CELF2: variants seen among roughly 807,000 people sequenced by gnomAD.
CELF2 encodes CUG triplet repeat RNA-binding protein 2.
In CELF2, 8 loss-of-function variants were observed where a neutral mutation model predicts 62.6. That is an observed-to-expected ratio of 0.13 (90% confidence interval 0.07 to 0.23). CELF2 has a LOEUF of 0.23. CELF2 is among the 10% of genes least tolerant of loss of function. CELF2 has a pLI of 1.00. For missense variants in CELF2, 333 were observed against 671.0 expected (o/e 0.50, Z 5.56); for synonymous variants, 258 against 250.0 (o/e 1.03, Z -0.30).
chr10:10,911,900 C>A (rs1361843055), intron 1 of CELF2, among the ~76,000 whole-genome samples: 1 of 152,210 alleles, frequency 6.6e-6, no homozygotes, highest in African/African-American at 2.4e-5. Flanking sequence ...AGAGGCTGGC[C>A]TCTGTAGCGA....
chr10:10,592,934 G>C, the CELF2 span, among the ~76,000 whole-genome samples: 1 of 152,268 alleles, frequency 6.6e-6, no homozygotes, highest in East Asian at 1.9e-4. Flanking sequence ...CCCACGTGAA[G>C]GGCCATAGGG....
intron 10 of CELF2, chr10:11,317,245 G>C (rs1322133193): frequency 6.6e-6 from 1 of 151,804 alleles, no homozygotes; most frequent in East Asian, 1.9e-4. Context: ...GTGAAGTAGA[G>C]AAAAGAGAAG....
chr10:11,319,882 A>G lies in CELF2; in HGVS notation c.1097-1307A>G, dbSNP rs558243413. On this transcript the variant is annotated intron_variant, in intron 10 of 12. Transcript: ENST00000633077. The surrounding 1 kb of genome is among the most constrained non-coding windows in gnomAD (Gnocchi z 4.4). ...CATTCCCCACCTGCTCTGTTAGGGC[A>G]GTAGCGTTGCTGGGCGTGTGGAGGT... 77 of 471,056 alleles carry G rather than the reference A, an allele frequency of 1.6e-4. No homozygotes were observed. The highest frequency in any genetic ancestry group is 1.2e-3 in the South Asian group (75 of 64,570). The allele number at this position is 471,056 out of a possible 1,614,324, so 29.2% of individuals were successfully genotyped here.
chr10:10,802,705 G>T (rs779027322), intron 1 of CELF2, among the ~76,000 whole-genome samples: 5 of 152,156 alleles, frequency 3.3e-5, no homozygotes, highest in Non-Finnish European at 5.9e-5. Context: ...CAAGGGAATA[G>T]ATGAATTGAC....
At chr10:11,069,694 A>G (rs2069216633) in intron 1 of CELF2, among the ~76,000 whole-genome samples, 1 of 152,244 alleles carries the variant, frequency 6.6e-6, no homozygotes, top group Non-Finnish European at 1.5e-5. Context: ...TGTAGAAATG[A>G]AAAGAATCAT....
the CELF2 span, among the ~76,000 whole-genome samples, chr10:10,492,602 G>A: frequency 1.3e-5 from 2 of 152,128 alleles, no homozygotes; most frequent in Non-Finnish European, 2.9e-5. Context: ...GCAAGAAACT[G>A]AAGGGAGATT....
At chr10:11,026,821 A>G (rs912790159) in intron 1 of CELF2, among the ~76,000 whole-genome samples, 1 of 152,190 alleles carries the variant, frequency 6.6e-6, no homozygotes, top group Non-Finnish European at 1.5e-5. Context: ...CAGTATCCAA[A>G]TACCTAGCTC....
chr10:10,758,214 T>TGGAC, the CELF2 span, among the ~76,000 whole-genome samples: 1 of 152,202 alleles, frequency 6.6e-6, no homozygotes, highest in African/African-American at 2.4e-5. Flanking sequence ...AAATAACACC[T>TGGAC]GGACTGCTGA....
At chr10:10,857,649 G>GTATATATATATATA (rs779543257) in intron 1 of CELF2, among the ~76,000 whole-genome samples, 1,056 of 93,936 alleles carry the variant, frequency 0.011, 19 homozygotes, top group African/African-American at 0.022. Flanking sequence ...CATATATATA[G>GTATATATATATATA]TATATATATA....
At chr10:11,125,274 A>G (rs570135173) in intron 1 of CELF2, among the ~76,000 whole-genome samples, 1 of 152,284 alleles carries the variant, frequency 6.6e-6, no homozygotes, top group South Asian at 2.1e-4. Context: ...GGAGTGAAAG[A>G]ATAGTCAGTT....
chr10:10,522,201 G>C, the CELF2 span, among the ~76,000 whole-genome samples: 4 of 152,190 alleles, frequency 2.6e-5, no homozygotes, highest in South Asian at 6.2e-4. Context: ...AAAATACTTC[G>C]AAGTATTCTA....
chr10:11,301,168 T>G (rs927024484), intron 9 of CELF2, among the ~76,000 whole-genome samples: 4 of 152,102 alleles, frequency 2.6e-5, no homozygotes, highest in African/African-American at 9.7e-5. Context: ...CTGGCAAATG[T>G]GAGAGATGGA....
the CELF2 span, among the ~76,000 whole-genome samples, chr10:10,472,896 C>T: frequency 5.1e-3 from 769 of 152,028 alleles, 9 homozygotes; most frequent in African/African-American, 0.018. Context: ...AAAGAGTTTA[C>T]TCCTATTTTG....
At chr10:10,927,987 A>G (rs557889872) in intron 2 of CELF2, among the ~76,000 whole-genome samples, 1 of 152,036 alleles carries the variant, frequency 6.6e-6, no homozygotes, top group South Asian at 2.1e-4. Context: ...GCTTTCATCT[A>G]CCTCTGCAGC....
At chr10:11,152,261 A>G (rs1219505768) in intron 1 of CELF2, among the ~76,000 whole-genome samples, 1 of 152,224 alleles carries the variant, frequency 6.6e-6, no homozygotes, top group East Asian at 1.9e-4. Context: ...AAAGAAAAGA[A>G]CTTTGTGACA....
chr10:10,914,388 C>T (rs558561237), intron 1 of CELF2, among the ~76,000 whole-genome samples: 1 of 152,030 alleles, frequency 6.6e-6, no homozygotes, highest in Admixed American at 6.5e-5. Context: ...CAGGAGATGA[C>T]GAGGGAATGT....
the CELF2 span, among the ~76,000 whole-genome samples, chr10:10,772,912 T>C: frequency 3.7e-4 from 56 of 152,172 alleles, no homozygotes; most frequent in Non-Finnish European, 1.0e-4. Context: ...AAAACTTAGC[T>C]CTAGGCCAGA....
At position 11,305,508 on chromosome 10, in the gene CELF2, T is replaced by C. The variant is rs2094135243; in HGVS notation, c.977-8631T>C. 6.6e-6 allele frequency among the ~76,000 whole-genome samples: 1 copy of C among 152,208 alleles called. No individual in the cohort carries two copies. Among genetic ancestry groups the C allele is most frequent in the African/African-American group, 2.4e-5 (1 of 41,452 alleles). ...TGGGAGGATCCCACCTGCAGTAAAA[T>C]ATCCGTCTGAAAGATGTCCTATTAC... On this transcript the variant is annotated intron_variant, in intron 9 of 12. Transcript: ENST00000633077. The surrounding 1 kb of genome is among the most constrained non-coding windows in gnomAD (Gnocchi z 4.8).
the CELF2 span, among the ~76,000 whole-genome samples, chr10:10,666,541 T>C: frequency 6.6e-6 from 1 of 152,210 alleles, no homozygotes; most frequent in Non-Finnish European, 1.5e-5. Flanking sequence ...ACCGCCAAGA[T>C]TCTCACCTAA....
Sources: gnomAD v4.1 joint callset for allele counts (sites outside exome capture counted in the v4.1 genomes callset) on GRCh38, gnomAD v4.1.1 for gene constraint, Gnocchi (gnomAD v3.1) non-coding constraint, MANE v1.5 for transcripts, NCBI Gene and HGNC (gene_info 2026-07-23, HGNC 2026-07-21) for gene names.